The following SEC16B variants were observed in gnomAD, a reference collection of about 807,000 sequenced individuals.
SEC16B encodes the protein SEC16 homolog B, endoplasmic reticulum export factor, also known as protein transport protein Sec16B.
A neutral mutation model predicts 141.8 loss-of-function variants in SEC16B; 115 were observed. The ratio of observed to expected loss-of-function variants is 0.81; its 90% confidence interval spans 0.70 to 0.95. The LOEUF (loss-of-function observed/expected upper bound fraction) is 0.95, where lower values mean the gene tolerates loss of function less well. Ranked by LOEUF, SEC16B falls within the 40% of genes least tolerant of loss-of-function variation. The pLI, the probability that SEC16B is intolerant of heterozygous loss-of-function variation, is 0.00. For synonymous variants in SEC16B, 493 were observed against 492.5 expected, an observed-to-expected ratio of 1.00 and a Z score of -0.01; for missense variants, 1,291 against 1,312.3, an observed-to-expected ratio of 0.98 and a Z score of 0.25.
rs1653016243 is a variant in SEC16B at position 177,960,937 on chromosome 1, C to T, written c.790G>A (p.Val264Ile). Residue 264 changes from valine to isoleucine, a missense_variant and splice_region_variant, in exon 7 of 26, where the codon GTC becomes ATC. By Grantham distance (29) the Val-to-Ile change is conservative (BLOSUM62 3). Around this residue, in one of 3 missense-constraint regions of SEC16B, gnomAD observed 681 missense variants for 675.5 expected, o/e 1.01. Transcript: ENST00000308284. ...GGTGCTTTGGGACCAGCTGAGGAGA[C>T]ATCTTCTGACCAACAGACACAGATG... ...SAAWSPVQAD[V>I]SSAGPKAPMK... The T allele has an allele frequency of 2.7e-6, 4 of 1,500,742 alleles. No individual in the cohort carries two copies. The highest frequency in any genetic ancestry group is 1.8e-4 in the Middle Eastern group (1 of 5,684). 93.0% of individuals were successfully genotyped at this position (1,500,742 alleles called of 1,614,324 possible).
At chr1:177,969,466 C>T (rs1653808270) in intron 1 of SEC16B, among the ~76,000 whole-genome samples, 1 of 152,152 alleles carries the variant, frequency 6.6e-6, no homozygotes, top group Admixed American at 6.5e-5. Flanking sequence ...GCCAAATGTC[C>T]CAGACACAGG....
chr1:177,939,764 C>G lies in SEC16B; in HGVS notation c.2141G>C (p.Gly714Ala). 1.3e-6 allele frequency: 2 copies of G among 1,588,442 alleles called. No homozygotes were observed. Among genetic ancestry groups the G allele is most frequent in the Non-Finnish European group, 1.7e-6 (2 of 1,166,192 alleles). ...LRRQLEQKVA[G>A]DIGDPHPTRS... ...AGTAGGATGAGGATCCCCAATGTCT[C>G]CTGCTACCTTTTGCTATTTAAAATA... The change falls in exon 18 of 26, where the codon GGA becomes GCA. Residue 714 changes from glycine (G) to alanine (A), a missense_variant. Gly to Ala is a moderately conservative substitution (Grantham distance 60). Around this residue, in one of 3 missense-constraint regions of SEC16B, gnomAD observed 605 missense variants for 614.1 expected, o/e 0.99. Coordinates refer to ENST00000308284, the MANE Select transcript of SEC16B (RefSeq NM_033127.4).
chr1:177,980,389 A>T (rs375729574), intron 1 of SEC16B, among the ~76,000 whole-genome samples: 1 of 152,134 alleles, frequency 6.6e-6, no homozygotes, highest in Non-Finnish European at 1.5e-5. Flanking sequence ...TTCAGTTCCT[A>T]TGGGAGAAAA....
chr1:177,963,067 C>T (rs868246157), intron 5 of SEC16B, among the ~76,000 whole-genome samples: 6 of 151,142 alleles, frequency 4.0e-5, no homozygotes, highest in African/African-American at 4.9e-5. Flanking sequence ...GAGATTGTGC[C>T]ACAGCACTCC....
At chr1:177,974,758 C>T (rs374896099), upstream of SEC16B, among the ~76,000 whole-genome samples, 17 of 152,250 alleles carry the variant, frequency 1.1e-4, no homozygotes, top group East Asian at 9.7e-4. Flanking sequence ...TTGGGGCTAC[C>T]ATGAGGCACT....
intron 19 of SEC16B, among the ~76,000 whole-genome samples, chr1:177,936,724 C>T (rs186168723): frequency 6.6e-6 from 1 of 152,288 alleles, no homozygotes; most frequent in East Asian, 1.9e-4. Flanking sequence ...TTCTAGATGG[C>T]TTCCACCATC....
chr1:177,980,819 C>A (rs1035238613), intron 1 of SEC16B, among the ~76,000 whole-genome samples: 1 of 150,196 alleles, frequency 6.7e-6, no homozygotes, highest in African/African-American at 2.5e-5. Context: ...TCAACTGAGA[C>A]CTGAAGGATG....
intron 1 of SEC16B, among the ~76,000 whole-genome samples, chr1:177,978,949 T>C (rs535351464): frequency 6.6e-6 from 1 of 152,184 alleles, no homozygotes; most frequent in Non-Finnish European, 1.5e-5. Context: ...TTCCCAGAGA[T>C]GCCTATCCTT....
At chr1:177,973,919 A>G (rs1557996631), upstream of SEC16B, among the ~76,000 whole-genome samples, 2 of 152,104 alleles carry the variant, frequency 1.3e-5, no homozygotes, top group South Asian at 2.1e-4. Context: ...GTTCAAGGCT[A>G]TTCCATAAAT....
chr1:177,953,756 T>C (rs1652383830), intron 11 of SEC16B, among the ~76,000 whole-genome samples: 1 of 152,090 alleles, frequency 6.6e-6, no homozygotes, highest in South Asian at 2.1e-4. Flanking sequence ...ATCCCTTCAG[T>C]CTCAACACCT....
At chr1:177,965,199 G>A (rs1054080360) in intron 3 of SEC16B, 32 bp from the exon 4 acceptor site, 2 of 1,610,482 alleles carry the variant, frequency 1.2e-6, no homozygotes, top group Non-Finnish European at 1.7e-6. Flanking sequence ...AATCAAGACA[G>A]GTCACTTCCT....
At chr1:177,930,759 G>T in intron 24 of SEC16B, 116 bp from the exon 25 acceptor site, 1 of 672,168 alleles carries the variant, frequency 1.5e-6, no homozygotes, top group Admixed American at 2.5e-5. Flanking sequence ...ATTTCTTTAA[G>T]TTCCTTATCG....
In SEC16B at chr1:177,966,001, C is replaced by G. The variant is rs571053965; in HGVS notation, c.304G>C (p.Gly102Arg). ...GYRNQLYSRP[G>R]YENSYQSYQS... Reference sequence around the variant, plus strand: ...TAGCTCTGATATGAATTCTCATAACCTGGCCTAAAATATCACAAAGAAGAC... The same window carrying G: ...TAGCTCTGATATGAATTCTCATAACGTGGCCTAAAATATCACAAAGAAGAC... Residue 102 changes from glycine (G) to arginine (R), a missense_variant, in exon 3 of 26, where the codon GGT (glycine) becomes CGT (arginine). Physicochemically the swap from Gly to Arg is moderately radical, Grantham distance 125. This residue lies in a region of SEC16B where 681 missense variants were observed against 675.5 expected (regional missense o/e 1.01). Coordinates refer to ENST00000308284, the MANE Select transcript of SEC16B (RefSeq NM_033127.4). 13 of 1,569,646 alleles carry G rather than the reference C, an allele frequency of 8.3e-6. No homozygotes were observed. The highest frequency in any genetic ancestry group is 1.1e-5 in the Non-Finnish European group (13 of 1,151,676).
rs578079239 is a variant in SEC16B at position 177,977,543 on chromosome 1, A to G, written c.-59+6663T>C. On this transcript the variant is annotated intron_variant and NMD_transcript_variant, in intron 1 of 24. Transcript: ENST00000528461. Reference sequence around the variant, plus strand: ...CAAGGAAAGTAGGTCTTTCAGCTCCATATAGAAACACAACCCAGTATTTTA... The same window carrying G: ...CAAGGAAAGTAGGTCTTTCAGCTCCGTATAGAAACACAACCCAGTATTTTA... Among the ~76,000 whole-genome samples the G allele has an allele frequency of 8.5e-4, 129 of 152,336 alleles. 1 individual carries two copies. Among genetic ancestry groups the G allele is most frequent in the Middle Eastern group, 6.8e-3 (2 of 294 alleles).
intron 2 of SEC16B, among the ~76,000 whole-genome samples, chr1:177,966,310 C>T (rs1653515918): frequency 1.3e-5 from 2 of 152,146 alleles, no homozygotes; most frequent in African/African-American, 4.8e-5. Flanking sequence ...TCCCCAAACA[C>T]ATACATATTA....
intron 14 of SEC16B, chr1:177,946,196 T>G: frequency 1.6e-6 from 1 of 616,780 alleles, no homozygotes; most frequent in Non-Finnish European, 2.9e-6. Flanking sequence ...CCCACCTCTT[T>G]GCAGAGGAGG....
Position 177,967,718 on chromosome 1 carries a change from A to G in SEC16B, c.264T>C (p.Tyr88=). The G allele has an allele frequency of 6.2e-7, 1 of 1,609,626 alleles. No homozygotes were observed. The highest frequency in any genetic ancestry group is 8.5e-7 in the Non-Finnish European group (1 of 1,176,536). Residue 88 remains tyrosine (Y), a synonymous_variant, in exon 2 of 26, where the codon TAT becomes TAC. Coordinates refer to ENST00000308284, the MANE Select transcript of SEC16B (RefSeq NM_033127.4). The part of the protein sequence containing the change: ...DWHQPVSGVD[Y]YEGGYRNQLY... ...ACTGATTGCGATAACCACCTTCGTA[A>G]TAGTCAACTCCAGACACAGGCTGAT...
Position 177,929,887 on chromosome 1 carries a change from G to A in SEC16B, c.3154C>T (p.Gln1052Ter), listed in dbSNP as rs746059741. Residue 1052 changes from glutamine to a stop codon, truncating the protein, a stop_gained, in exon 26 of 26, where the codon CAG becomes TAG. Transcript: ENST00000308284. LOFTEE classifies it high-confidence loss of function. ...TSLNRPNRLA[Q>*]RRYPTQPC The stretch of plus-strand genomic sequence containing the variant: ...CATGGCTGGGTGGGATAGCGACGCT[G>A]AGCTAGGCGATTTGGCCGATTCAGG... The A allele has an allele frequency of 1.4e-5, 22 of 1,613,836 alleles. No homozygotes were observed. In the Middle Eastern group the frequency reaches 1.5e-3, roughly 109 times the overall value.
At chr1:177,947,691 A>ATGGGG (rs1651815169) in intron 13 of SEC16B, 134 bp downstream of exon 13, 7 of 574,124 alleles carry the variant, frequency 1.2e-5, no homozygotes, top group Non-Finnish European at 1.9e-5. Context: ...GCTGACCTGG[A>ATGGGG]CGGGGAGGGG....
Sources: allele counts gnomAD v4.1 joint callset (sites outside exome capture counted in the v4.1 genomes callset), GRCh38; gene constraint gnomAD v4.1.1; regional missense constraint gnomAD v4.1.1; transcripts MANE v1.5; gene names NCBI Gene and HGNC (gene_info 2026-07-23, HGNC 2026-07-21).